The following EARS2 variants were observed in gnomAD, a reference collection of about 807,000 sequenced individuals.
EARS2 encodes glutamyl-tRNA synthetase 2, mitochondrial, also known as nondiscriminating glutamyl-tRNA synthetase EARS2, mitochondrial.
In EARS2, 50 loss-of-function variants were observed where a neutral mutation model predicts 54.1. The ratio of observed to expected loss-of-function variants is 0.92; its 90% confidence interval spans 0.74 to 1.17. The LOEUF (loss-of-function observed/expected upper bound fraction) is 1.17. EARS2 is among the 50% of genes most tolerant of loss of function. The pLI, the probability that EARS2 is intolerant of heterozygous loss-of-function variation, is 0.00. For missense variants in EARS2, 673 were observed against 675.0 expected (o/e 1.00, Z 0.03); for synonymous variants, 298 against 281.0 (o/e 1.06, Z -0.61).
At chr16:23,530,918 T>C (rs536070970) in intron 5 of EARS2, among the ~76,000 whole-genome samples, 1 of 147,566 alleles carries the variant, frequency 6.8e-6, no homozygotes, top group Non-Finnish European at 1.5e-5. Flanking sequence ...TGAGATGGAG[T>C]TTCACTCTTG....
chr16:23,524,993 A>G lies in EARS2; in HGVS notation c.1488+251T>C, dbSNP rs191981120. The stretch of plus-strand genomic sequence containing the variant: ...TGTTGCTAGGTCTGTTATCCCCAAT[A>G]AACTGCAAACCCCATGGAGGCAGAG... On this transcript the variant is annotated intron_variant, in intron 8 of 8. Coordinates refer to ENST00000449606, the MANE Select transcript of EARS2 (RefSeq NM_001083614.2). 293 of 599,462 alleles carry G rather than the reference A, an allele frequency of 4.9e-4. 4 individuals carry two copies. In the East Asian group the frequency reaches 8.1e-3, roughly 17 times the overall value. The allele number at this position is 599,462 out of a possible 1,614,324, so 37.1% of individuals were successfully genotyped here.
intron 1 of EARS2, chr16:23,553,044 C>A (rs1220255713): frequency 5.0e-6 from 2 of 400,986 alleles, no homozygotes; most frequent in East Asian, 9.5e-5. Context: ...GGAGGATCAC[C>A]TGAGCCTGGG....
intron 2 of EARS2, among the ~76,000 whole-genome samples, chr16:23,547,776 G>A (rs1266281136): frequency 6.6e-6 from 1 of 152,092 alleles, no homozygotes; most frequent in African/African-American, 2.4e-5. Context: ...CCCCATGTGA[G>A]AGCCACCACG....
Position 23,557,228 on chromosome 16 carries a change from A to G in EARS2, c.116T>C (p.Val39Ala). 1 of 1,516,002 alleles carries G rather than the reference A, an allele frequency of 6.6e-7. No homozygotes were observed. Among genetic ancestry groups the G allele is most frequent in the South Asian group, 1.3e-5 (1 of 78,334 alleles). The allele number at this position is 1,516,002 out of a possible 1,614,324, so 93.9% of individuals were successfully genotyped here. The change falls in exon 1 of 9, where the codon GTG becomes GCG. Residue 39 changes from valine (V) to alanine (A), a missense_variant. By Grantham distance (64) the Val-to-Ala change is moderately conservative. Coordinates refer to ENST00000449606, the MANE Select transcript of EARS2 (RefSeq NM_001083614.2). ...LGTDAGVAVR[V>A]RFAPSPTGFL... Reference sequence around the variant, plus strand: ...ACCTGTGGGGCTGGGAGCGAACCGCACTCGCACCGCAACCCCGGCATCAGT... The same window carrying G: ...ACCTGTGGGGCTGGGAGCGAACCGCGCTCGCACCGCAACCCCGGCATCAGT...
rs1014358592 is a variant in EARS2, at chr16:23,557,185, G to C, written c.139+20C>G. The C allele has an allele frequency of 6.6e-7, 1 of 1,505,730 alleles. No homozygotes were observed. Among genetic ancestry groups the C allele is most frequent in the East Asian group, 2.3e-5 (1 of 43,870 alleles). 93.3% of individuals were successfully genotyped at this position (1,505,730 alleles called of 1,614,324 possible). A position where few individuals can be genotyped will look rare whatever the true frequency, so the allele number is the denominator to read the frequency against. On this transcript the variant is annotated intron_variant, in intron 1 of 8. Transcript: ENST00000449606. ...GGGACAGGGGGCCTCGGCCTGTAGCGTCACGTCCGCCAGGGTTACCTGTGG... is the reference window on the plus strand; with the variant it reads ...GGGACAGGGGGCCTCGGCCTGTAGCCTCACGTCCGCCAGGGTTACCTGTGG...
chr16:23,529,401 G>T, intron 7 of EARS2, 101 bp downstream of exon 7: 1 of 1,459,008 alleles, frequency 6.9e-7, no homozygotes, highest in Non-Finnish European at 9.2e-7. Flanking sequence ...CCATGGAGTT[G>T]TGCTGGGGCC....
intron 3 of EARS2, among the ~76,000 whole-genome samples, chr16:23,540,663 C>T (rs962163367): frequency 1.3e-5 from 2 of 152,202 alleles, no homozygotes; most frequent in Admixed American, 6.5e-5. Flanking sequence ...TTGGGCTGAG[C>T]GCAGTGGCTC....
In EARS2 at chr16:23,524,365, C is replaced by G. The variant is rs949419846; in HGVS notation, c.*6G>C. The G allele has an allele frequency of 1.4e-5, 23 of 1,613,170 alleles. No homozygotes were observed. The highest frequency in any genetic ancestry group is 1.0e-4 in the Admixed American group (6 of 60,002). On this transcript the variant is annotated 3_prime_UTR_variant, in exon 9 of 9. Coordinates refer to ENST00000449606, the MANE Select transcript of EARS2 (RefSeq NM_001083614.2). ...GGCGATCTCCACTGCCCGAAACATC[C>G]TCTCCCTAGCTGGAAACCACCTTCT...
chr16:23,542,393 C>T (rs574019459), intron 3 of EARS2, among the ~76,000 whole-genome samples: 5 of 133,962 alleles, frequency 3.7e-5, no homozygotes, highest in African/African-American at 1.4e-4. Context: ...TCTTGGCTCA[C>T]TGCAACCTCC....
At chr16:23,542,519 T>C (rs1019526787) in intron 3 of EARS2, among the ~76,000 whole-genome samples, 3 of 151,184 alleles carry the variant, frequency 2.0e-5, no homozygotes, top group African/African-American at 7.3e-5. Context: ...TTTCACCACA[T>C]TGGCCAGGCT....
chr16:23,536,668 A>T (rs1172447785), intron 3 of EARS2, among the ~76,000 whole-genome samples: 1 of 151,504 alleles, frequency 6.6e-6, no homozygotes, highest in Non-Finnish European at 1.5e-5. Flanking sequence ...TCTCAAAAAA[A>T]AAACTTTTTT....
Position 23,524,410 on chromosome 16 carries a change from C to T in EARS2, c.1533G>A (p.Lys511=), listed in dbSNP as rs1597004847. Residue 511 remains lysine (K), a synonymous_variant, in exon 9 of 9, where the codon AAG becomes AAA. Coordinates refer to ENST00000449606, the MANE Select transcript of EARS2 (RefSeq NM_001083614.2). ...CCTTCTGGATCCGTTCCCGTACTTC[C>T]TTTGGTCCCAAGGCCAACATCATCT... The part of the protein sequence containing the change: ...VAEMMLALGP[K]EVRERIQKVV... The T allele has an allele frequency of 1.2e-6, 2 of 1,614,190 alleles. No homozygotes were observed. Among genetic ancestry groups the T allele is most frequent in the Non-Finnish European group, 1.7e-6 (2 of 1,180,038 alleles).
chr16:23,537,013 A>C (rs1277189134), intron 3 of EARS2: 1 of 172,392 alleles, frequency 5.8e-6, no homozygotes, highest in Non-Finnish European at 1.3e-5. Flanking sequence ...AGTCAGTTGC[A>C]CATGAGTGAA....
At chr16:23,557,363 G>T (rs1211046554), upstream of EARS2, 2 of 1,538,298 alleles carry the variant, frequency 1.3e-6, no homozygotes, top group Non-Finnish European at 8.7e-7. Context: ...AATAGCACAC[G>T]TGGGCTTCTC....
Position 23,522,011 on chromosome 16 carries a change from T to G in EARS2, c.*2360A>C. 1 of 341,452 alleles carries G rather than the reference T, an allele frequency of 2.9e-6. No individual in the cohort carries two copies. The allele number at this position is 341,452 out of a possible 1,614,324, so 21.2% of individuals were successfully genotyped here. A position where few individuals can be genotyped will look rare whatever the true frequency, so the allele number is the denominator to read the frequency against. On this transcript the variant is annotated 3_prime_UTR_variant, in exon 9 of 9. Transcript: ENST00000449606. Reference sequence around the variant, plus strand: ...TAACAGAAAAAAAAAATACTGCTTCTCTCATAGTGTTATAAAAAAAATTTA... The same window carrying G: ...TAACAGAAAAAAAAAATACTGCTTCGCTCATAGTGTTATAAAAAAAATTTA...
At chr16:23,528,540 G>A (rs1965268169) in intron 7 of EARS2, among the ~76,000 whole-genome samples, 1 of 152,212 alleles carries the variant, frequency 6.6e-6, no homozygotes, top group South Asian at 2.1e-4. Context: ...GAGTCCCAGA[G>A]CAAATCTAAA....
intron 7 of EARS2, 58 bp from the exon 8 acceptor site, chr16:23,525,437 G>T: frequency 1.3e-6 from 2 of 1,557,382 alleles, no homozygotes. Context: ...GTGGGTGGGA[G>T]GAAGGGCTTC....
intron 5 of EARS2, 25 bp from the exon 6 acceptor site, chr16:23,529,922 C>T (rs764265672): frequency 1.3e-5 from 21 of 1,612,186 alleles, no homozygotes; most frequent in Non-Finnish European, 1.8e-5. Flanking sequence ...AAGGGGCTGC[C>T]CTGCTGTCAA....
intron 2 of EARS2, chr16:23,544,967 G>C: frequency 2.8e-6 from 1 of 350,926 alleles, no homozygotes; most frequent in Non-Finnish European, 5.1e-6. Context: ...TCAGCCTCCC[G>C]AATAGCTGGG....
Sources: allele counts gnomAD v4.1 joint callset (sites outside exome capture counted in the v4.1 genomes callset), GRCh38; gene constraint gnomAD v4.1.1; transcripts MANE v1.5; gene names NCBI Gene and HGNC (gene_info 2026-07-23, HGNC 2026-07-21).